Variants in GHR observed in about 807,000 individuals in gnomAD.
GHR encodes the protein growth hormone receptor.
In GHR, 35 loss-of-function variants were observed where a neutral mutation model predicts 67.1. The observed-to-expected ratio is 0.52, with a 90% confidence interval of 0.40 to 0.69. GHR has a LOEUF of 0.69. GHR is among the 30% of genes least tolerant of loss of function. The probability of loss-of-function intolerance (pLI) is 0.00; values close to 1 mark genes in which losing one functional copy is unlikely to be tolerated. For synonymous variants in GHR, 272 were observed against 269.1 expected (o/e 1.01, Z -0.10); for missense variants, 792 against 764.6 (o/e 1.04, Z -0.42).
chr5:42,612,787 A>C (rs937249232), intron 2 of GHR, among the ~76,000 whole-genome samples: 2 of 152,152 alleles, frequency 1.3e-5, no homozygotes, highest in South Asian at 2.1e-4. Context: ...ACTTGCTCTC[A>C]GAATGAGAAC....
At chr5:42,435,583 A>G (rs1743290024) in intron 1 of GHR, among the ~76,000 whole-genome samples, 1 of 152,198 alleles carries the variant, frequency 6.6e-6, no homozygotes, top group African/African-American at 2.4e-5. Context: ...GGTCCTGTAT[A>G]TTCCTCACCT....
At chr5:42,636,712 G>T (rs1267036147) in intron 3 of GHR, among the ~76,000 whole-genome samples, 1 of 152,096 alleles carries the variant, frequency 6.6e-6, no homozygotes, top group Non-Finnish European at 1.5e-5. Context: ...TATTATTTAG[G>T]TGTAACCAGA....
At chr5:42,497,500 A>C (rs977385274) in intron 1 of GHR, among the ~76,000 whole-genome samples, 2 of 152,140 alleles carry the variant, frequency 1.3e-5, no homozygotes, top group African/African-American at 4.8e-5. Flanking sequence ...ATGTCCTTTT[A>C]AGCAAGGATT....
intron 1 of GHR, among the ~76,000 whole-genome samples, chr5:42,554,782 C>T (rs1749219984): frequency 6.6e-6 from 1 of 152,054 alleles, no homozygotes; most frequent in South Asian, 2.1e-4. Flanking sequence ...TTAATACTTA[C>T]ATTGATTACA....
At chr5:42,605,385 T>C (rs1752582335) in intron 2 of GHR, among the ~76,000 whole-genome samples, 1 of 152,028 alleles carries the variant, frequency 6.6e-6, no homozygotes, top group South Asian at 2.1e-4. Flanking sequence ...GGATTATAGA[T>C]GAGAGCCACC....
chr5:42,450,943 G>T (rs553285398), intron 1 of GHR, among the ~76,000 whole-genome samples: 122 of 152,200 alleles, frequency 8.0e-4, no homozygotes, highest in African/African-American at 2.7e-3. Flanking sequence ...AGTTTTGAAG[G>T]TTTCTTTTGG....
At chr5:42,462,220 T>C (rs1744515952) in intron 1 of GHR, among the ~76,000 whole-genome samples, 1 of 152,240 alleles carries the variant, frequency 6.6e-6, no homozygotes, top group South Asian at 2.1e-4. Context: ...GTTGGTTTTC[T>C]CTTGTCCATC....
At chr5:42,487,870 T>G (rs1745947501) in intron 1 of GHR, among the ~76,000 whole-genome samples, 1 of 152,162 alleles carries the variant, frequency 6.6e-6, no homozygotes, top group South Asian at 2.1e-4. Context: ...TTGATGATAT[T>G]TATCAGTGGC....
chr5:42,437,250 G>A (rs1429886759), intron 1 of GHR, among the ~76,000 whole-genome samples: 1 of 152,180 alleles, frequency 6.6e-6, no homozygotes, highest in East Asian at 1.9e-4. Context: ...ACATATGTAG[G>A]AAACCATTTT....
At chr5:42,704,503 C>A (rs1056114067) in intron 6 of GHR, among the ~76,000 whole-genome samples, 1 of 151,862 alleles carries the variant, frequency 6.6e-6, no homozygotes, top group African/African-American at 2.4e-5. Context: ...GAGATATTAG[C>A]CCATAATTTT....
rs1374729564 is a variant in GHR, at chr5:42,646,367, G to C, written c.136+17264G>C. On this transcript the variant is annotated intron_variant, in intron 3 of 9. Transcript: ENST00000230882. ...ATGCTCACATATCAAGAAAATGGTGGGTTTCAGTCTGGCTCACTGGGTGAG... is the reference window on the plus strand; with the variant it reads ...ATGCTCACATATCAAGAAAATGGTGCGTTTCAGTCTGGCTCACTGGGTGAG... 1.1e-5 allele frequency: 5 copies of C among 454,548 alleles called. No homozygotes were observed. In the East Asian group the frequency reaches 2.8e-4, roughly 25 times the overall value. 28.2% of individuals were successfully genotyped at this position (454,548 alleles called of 1,614,324 possible).
intron 1 of GHR, among the ~76,000 whole-genome samples, chr5:42,483,214 G>A: frequency 6.6e-6 from 1 of 152,074 alleles, no homozygotes; most frequent in East Asian, 1.9e-4. Context: ...TCCACCCCTG[G>A]CTAATTTTTG....
At chr5:42,525,644 T>G (rs1747675569) in intron 1 of GHR, among the ~76,000 whole-genome samples, 1 of 152,152 alleles carries the variant, frequency 6.6e-6, no homozygotes, top group Non-Finnish European at 1.5e-5. Flanking sequence ...GCCAGAATGA[T>G]ATGGTTTGGC....
chr5:42,561,488 C>T (rs567231287), intron 1 of GHR, among the ~76,000 whole-genome samples: 1 of 152,294 alleles, frequency 6.6e-6, no homozygotes, highest in South Asian at 2.1e-4. Context: ...TTATATCTAA[C>T]CTTCATCTTT....
chr5:42,456,141 T>C (rs915704533), intron 1 of GHR, among the ~76,000 whole-genome samples: 1 of 152,098 alleles, frequency 6.6e-6, no homozygotes, highest in Admixed American at 6.5e-5. Context: ...TGAAACCCCA[T>C]CTCTACTAAA....
intron 1 of GHR, among the ~76,000 whole-genome samples, chr5:42,557,457 T>A (rs1749371390): frequency 6.6e-6 from 1 of 152,204 alleles, no homozygotes; most frequent in South Asian, 2.1e-4. Context: ...TTGTTACTAC[T>A]ACCAAGAAGA....
At chr5:42,550,388 G>T (rs907436847) in intron 1 of GHR, among the ~76,000 whole-genome samples, 6 of 152,042 alleles carry the variant, frequency 3.9e-5, no homozygotes, top group Non-Finnish European at 2.9e-5. Context: ...CCTCCCCAAG[G>T]TTCCCCTGGG....
intron 1 of GHR, among the ~76,000 whole-genome samples, chr5:42,557,579 TATC>T (rs1749378914): frequency 6.6e-6 from 1 of 152,202 alleles, no homozygotes; most frequent in Non-Finnish European, 1.5e-5. Context: ...GGGAAAATCT[TATC>T]ATATGAATAT....
At chr5:42,438,149 T>C (rs568568324) in intron 1 of GHR, among the ~76,000 whole-genome samples, 5 of 152,372 alleles carry the variant, frequency 3.3e-5, no homozygotes, top group Non-Finnish European at 5.9e-5. Flanking sequence ...GTGCTTACTA[T>C]GATCAAGGGC....
Sources: gnomAD v4.1 joint callset for allele counts (sites outside exome capture counted in the v4.1 genomes callset) on GRCh38, gnomAD v4.1.1 for gene constraint, MANE v1.5 for transcripts, NCBI Gene and HGNC (gene_info 2026-07-23, HGNC 2026-07-21) for gene names.